Variants in KSR2 observed in about 807,000 individuals in gnomAD.
The protein encoded by KSR2 is kinase suppressor of ras 2.
In KSR2, 25 loss-of-function variants were observed where a neutral mutation model predicts 107.8. That is an observed-to-expected ratio of 0.23 (90% CI 0.17 to 0.32). The LOEUF (loss-of-function observed/expected upper bound fraction) is 0.32. KSR2 is among the 10% of genes least tolerant of loss of function. The probability of loss-of-function intolerance (pLI) is 1.00; values close to 1 mark genes in which losing one functional copy is unlikely to be tolerated. For missense variants in KSR2, 887 were observed against 1,268.9 expected, an observed-to-expected ratio of 0.70 and a Z score of 4.57; for synonymous variants, 480 against 507.0, an observed-to-expected ratio of 0.95 and a Z score of 0.71.
chr12:117,779,191 G>T (rs994743429), intron 3 of KSR2, among the ~76,000 whole-genome samples: 9 of 152,208 alleles, frequency 5.9e-5, no homozygotes, highest in Admixed American at 2.0e-4. Context: ...CTAAGAGAAA[G>T]GTGCTGTGTA....
chr12:117,692,904 A>C (rs1432841641), intron 4 of KSR2, among the ~76,000 whole-genome samples: 1 of 152,162 alleles, frequency 6.6e-6, no homozygotes, highest in African/African-American at 2.4e-5. Context: ...GAAGCTAGGG[A>C]ATTGGGAGTA....
At chr12:117,944,449 C>T (rs1896111752) in intron 1 of KSR2, among the ~76,000 whole-genome samples, 1 of 152,186 alleles carries the variant, frequency 6.6e-6, no homozygotes, top group South Asian at 2.1e-4. Context: ...AATACAGCCA[C>T]ATATTGCATG....
chr12:117,948,963 G>A (rs1231814988), intron 1 of KSR2, among the ~76,000 whole-genome samples: 4 of 152,032 alleles, frequency 2.6e-5, no homozygotes, highest in Admixed American at 2.6e-4. Flanking sequence ...GCATGGTGGC[G>A]GGTGCCTGTA....
In KSR2 at chr12:117,797,214, C is replaced by T. The variant is rs188832110; in HGVS notation, c.473-35690G>A. 2.0e-5 allele frequency among the ~76,000 whole-genome samples: 3 copies of T among 152,244 alleles called. No homozygotes were observed. The East Asian group carries it at 5.8e-4, about 29-fold the overall frequency. On this transcript the variant is annotated intron_variant, in intron 3 of 19. Transcript: ENST00000339824. ...TCACAGCAGCCCTATTCACAATAGC[C>T]AAAAGGTGGAAACAATCACCATGTC...
At chr12:117,764,334 A>G (rs1889150080) in intron 3 of KSR2, among the ~76,000 whole-genome samples, 1 of 151,866 alleles carries the variant, frequency 6.6e-6, no homozygotes. Flanking sequence ...GACTGTTTAC[A>G]TCTAACTTAA....
chr12:117,486,035 A>G lies in KSR2; in HGVS notation c.2220-344T>C, dbSNP rs184243437. ...AAAAACTTCTGGGTCCTCAGACGCC[A>G]CTCAGACAGCATTCTGTTGGCCATT... On this transcript the variant is annotated intron_variant, in intron 14 of 19. Transcript: ENST00000339824. 5.5e-3 allele frequency among the ~76,000 whole-genome samples: 845 copies of G among 152,302 alleles called. 3 individuals are homozygous for G. The highest frequency in any genetic ancestry group is 9.3e-3 in the Non-Finnish European group (635 of 68,020).
rs373947102 is a variant in KSR2 at position 117,660,414 on chromosome 12, T to C, written c.1171+7060A>G. ...TTCCAGCTTCTGGTGGCTCTGGCAA[T>C]CCTTGGTGTTCCTTGGCTTGTAGAC... On this transcript the variant is annotated intron_variant, in intron 5 of 19. Transcript: ENST00000339824. Among the ~76,000 whole-genome samples, 6 of 152,298 alleles carry C rather than the reference T, an allele frequency of 3.9e-5. No individual in the cohort carries two copies. In the East Asian group the frequency reaches 1.2e-3, roughly 29 times the overall value.
intron 4 of KSR2, among the ~76,000 whole-genome samples, chr12:117,679,822 T>C (rs541904441): frequency 8.5e-4 from 130 of 152,292 alleles, no homozygotes; most frequent in African/African-American, 3.0e-3. Flanking sequence ...AGAAGAACTA[T>C]GGGCCAACCA....
intron 7 of KSR2, 51 bp from the exon 8 acceptor site, chr12:117,558,624 C>A (rs138488343): frequency 1.4e-6 from 2 of 1,433,990 alleles, no homozygotes; most frequent in Non-Finnish European, 2.0e-6. Flanking sequence ...GCTGAGTGAG[C>A]GGGTAGGTGG....
rs1451499719 is a variant in KSR2 at position 117,455,643 on chromosome 12, A to G, written c.*11556T>C. ...GAGGCACTTAACAAATATTTACTAA[A>G]TGACTATATAAAATGAAGATTTGGG... On this transcript the variant is annotated 3_prime_UTR_variant, in exon 20 of 20. Coordinates refer to ENST00000339824, the MANE Select transcript of KSR2 (RefSeq NM_173598.6). 5.3e-5 allele frequency: 8 copies of G among 152,178 alleles called. No homozygotes were observed. Among genetic ancestry groups the G allele is most frequent in the Non-Finnish European group, 8.8e-5 (6 of 68,058 alleles). The allele number at this position is 152,178 out of a possible 1,614,324, so 9.4% of individuals were successfully genotyped here. A position where few individuals can be genotyped will look rare whatever the true frequency, so the allele number is the denominator to read the frequency against.
intron 5 of KSR2, among the ~76,000 whole-genome samples, chr12:117,609,258 G>A (rs952791990): frequency 2.6e-5 from 4 of 152,118 alleles, no homozygotes; most frequent in African/African-American, 9.7e-5. Context: ...TCTTTAAAAT[G>A]GGGATAACAA....
intron 7 of KSR2, among the ~76,000 whole-genome samples, chr12:117,566,897 T>C (rs1202774223): frequency 6.6e-6 from 1 of 152,202 alleles, no homozygotes; most frequent in African/African-American, 2.4e-5. Flanking sequence ...AATTGCCTCT[T>C]ATAAATGAGC....
At chr12:117,915,856 T>A (rs184978668) in intron 1 of KSR2, among the ~76,000 whole-genome samples, 26 of 152,208 alleles carry the variant, frequency 1.7e-4, no homozygotes, top group Admixed American at 1.7e-3. Flanking sequence ...CCCAGCTACA[T>A]CCAGCACACC....
chr12:117,491,791 T>G (rs1872757717), intron 14 of KSR2, among the ~76,000 whole-genome samples: 1 of 152,202 alleles, frequency 6.6e-6, no homozygotes, highest in Non-Finnish European at 1.5e-5. Flanking sequence ...GCAGGCCACC[T>G]GGATCTGGAG....
intron 3 of KSR2, among the ~76,000 whole-genome samples, chr12:117,797,748 T>C (rs1475140706): frequency 1.7e-5 from 2 of 119,950 alleles, no homozygotes; most frequent in Admixed American, 1.2e-4. Flanking sequence ...CAAACCATCC[T>C]GGGCTCAAAC....
intron 1 of KSR2, among the ~76,000 whole-genome samples, chr12:117,894,881 C>G (rs969987283): frequency 2.6e-5 from 4 of 151,826 alleles, no homozygotes; most frequent in Non-Finnish European, 5.9e-5. Context: ...GTCAATTAAA[C>G]CTCTTTTCTT....
At chr12:117,623,254 T>A (rs1023224622) in intron 5 of KSR2, among the ~76,000 whole-genome samples, 18 of 152,380 alleles carry the variant, frequency 1.2e-4, no homozygotes, top group African/African-American at 3.8e-4. Flanking sequence ...TATTATACTT[T>A]AAGTTCTAGG....
intron 7 of KSR2, among the ~76,000 whole-genome samples, chr12:117,574,535 T>C (rs563553716): frequency 2.2e-4 from 34 of 152,210 alleles, no homozygotes; most frequent in African/African-American, 8.2e-4. Flanking sequence ...TTTCCCCTCA[T>C]AAAACCATCA....
chr12:117,813,978 A>G (rs1421429878), intron 3 of KSR2, among the ~76,000 whole-genome samples: 3 of 152,242 alleles, frequency 2.0e-5, no homozygotes, highest in Non-Finnish European at 4.4e-5. Flanking sequence ...CTGTGGCAAC[A>G]TGGTATAACT....
Sources: gnomAD v4.1 joint callset for allele counts (sites outside exome capture counted in the v4.1 genomes callset) on GRCh38, gnomAD v4.1.1 for gene constraint, MANE v1.5 for transcripts, NCBI Gene and HGNC (gene_info 2026-07-23, HGNC 2026-07-21) for gene names.